Variants in ADCY2 observed in about 807,000 individuals in gnomAD.
The protein encoded by ADCY2 is adenylate cyclase 2, also known as adenylate cyclase type 2.
In ADCY2, 31 loss-of-function variants were observed where a neutral mutation model predicts 125.2. The ratio of observed to expected loss-of-function variants is 0.25; its 90% CI spans 0.19 to 0.33. The LOEUF (loss-of-function observed/expected upper bound fraction) is 0.33. Among genes scored for constraint, ADCY2 ranks in the 10% least tolerant of loss-of-function variants. The pLI is 1.00. For synonymous variants in ADCY2, 512 were observed against 548.4 expected, an observed-to-expected ratio of 0.93 and a Z score of 0.93; for missense variants, 904 against 1,418.2, an observed-to-expected ratio of 0.64 and a Z score of 5.82.
chr5:7,403,384 A>G (rs2111443375), intron 1 of ADCY2, among the ~76,000 whole-genome samples: 1 of 151,768 alleles, frequency 6.6e-6, no homozygotes, highest in East Asian at 1.9e-4. Context: ...CTAATGTCTG[A>G]CTCTTTCCCA....
At position 7,757,945 on chromosome 5, in the gene ADCY2, C is replaced by G. The variant is rs537610417; in HGVS notation, c.2094+359C>G. On this transcript the variant is annotated intron_variant, in intron 16 of 24. Coordinates refer to ENST00000338316, the MANE Select transcript of ADCY2 (RefSeq NM_020546.3). ...CTTGGATCAGTTCCCCACTTCCTTG[C>G]TCATGGTGGCCCCTCAACAGGCTAC... Among the ~76,000 whole-genome samples the G allele has an allele frequency of 2.6e-5, 4 of 152,280 alleles. No individual in the cohort carries two copies. In the South Asian group the frequency reaches 8.3e-4, roughly 32 times the overall value.
chr5:7,758,133 C>T (rs906472180), intron 16 of ADCY2, among the ~76,000 whole-genome samples: 20 of 152,194 alleles, frequency 1.3e-4, no homozygotes, highest in Admixed American at 2.0e-4. Context: ...TTGAACTCCA[C>T]AGGCTCCATT....
intron 3 of ADCY2, among the ~76,000 whole-genome samples, chr5:7,624,363 T>C (rs1738054228): frequency 6.6e-6 from 1 of 152,130 alleles, no homozygotes; most frequent in Non-Finnish European, 1.5e-5. Context: ...ATGATCTTGC[T>C]GATTATCCCC....
chr5:7,608,943 A>G (rs574024165), intron 3 of ADCY2, among the ~76,000 whole-genome samples: 42 of 152,314 alleles, frequency 2.8e-4, no homozygotes, highest in Middle Eastern at 3.4e-3. Flanking sequence ...CCCAAGAGAC[A>G]GGCCTTTCTC....
chr5:7,634,158 A>G (rs766017011), intron 4 of ADCY2, among the ~76,000 whole-genome samples: 1 of 152,150 alleles, frequency 6.6e-6, no homozygotes, highest in Non-Finnish European at 1.5e-5. Context: ...CATGGGGCTG[A>G]CTTCAAAATG....
chr5:7,532,604 T>C (rs1056039646), intron 3 of ADCY2, among the ~76,000 whole-genome samples: 1 of 152,224 alleles, frequency 6.6e-6, no homozygotes, highest in African/African-American at 2.4e-5. Context: ...TTAAGTGTTA[T>C]ACTGCGAAGG....
At chr5:7,571,066 AT>A (rs1045146067) in intron 3 of ADCY2, among the ~76,000 whole-genome samples, 1 of 151,462 alleles carries the variant, frequency 6.6e-6, no homozygotes, top group African/African-American at 2.4e-5. Context: ...TGCTATGGGA[AT>A]TTTTTTTGGT....
At chr5:7,811,743 C>T (rs1460252243) in intron 22 of ADCY2, among the ~76,000 whole-genome samples, 1 of 152,124 alleles carries the variant, frequency 6.6e-6, no homozygotes, top group Non-Finnish European at 1.5e-5. Context: ...CCCTCCTTCC[C>T]CCAAATCAGA....
At chr5:7,588,287 T>C (rs1463757207) in intron 3 of ADCY2, among the ~76,000 whole-genome samples, 1 of 152,040 alleles carries the variant, frequency 6.6e-6, no homozygotes, top group Admixed American at 6.6e-5. Flanking sequence ...CATAAAAAAA[T>C]CCACATAAAT....
chr5:7,578,880 G>T (rs1736336575), intron 3 of ADCY2, among the ~76,000 whole-genome samples: 1 of 152,084 alleles, frequency 6.6e-6, no homozygotes, highest in Non-Finnish European at 1.5e-5. Flanking sequence ...GGTCCATCCT[G>T]GTTGGCTAGT....
At chr5:7,496,857 T>G (rs1341836128) in intron 2 of ADCY2, among the ~76,000 whole-genome samples, 1 of 152,196 alleles carries the variant, frequency 6.6e-6, no homozygotes, top group Non-Finnish European at 1.5e-5. Flanking sequence ...GAATATTTTA[T>G]ATGAATATAT....
rs377660030 is a variant in ADCY2, at chr5:7,723,252, A to G, written c.1704-1293A>G. 4.6e-5 allele frequency among the ~76,000 whole-genome samples: 7 copies of G among 152,278 alleles called. No homozygotes were observed. In the East Asian group the frequency reaches 1.4e-3, roughly 29 times the overall value. On this transcript the variant is annotated intron_variant, in intron 12 of 24. Coordinates refer to ENST00000338316, the MANE Select transcript of ADCY2 (RefSeq NM_020546.3). ...CTGTACAACAAACCCCCATGACACA[A>G]ATTTTACCTATGTGACAATCCTGCA...
rs989376334 is a variant in ADCY2, at chr5:7,573,601, T to C, written c.571-52566T>C. 6.9e-5 allele frequency among the ~76,000 whole-genome samples: 10 copies of C among 144,716 alleles called. 1 individual carries two copies. In the South Asian group the frequency reaches 1.5e-3, roughly 22 times the overall value. The allele number at this position is 144,716 out of a possible 152,430, so 94.9% of individuals were successfully genotyped here. A position where few individuals can be genotyped will look rare whatever the true frequency, so the allele number is the denominator to read the frequency against. On this transcript the variant is annotated intron_variant, in intron 3 of 24. Transcript: ENST00000338316. Reference sequence around the variant, plus strand: ...GATACAGGGTTGATTTTCTTTTTTTTTTTTTTTTTTTTTTTTTGAGAAAAA... The same window carrying C: ...GATACAGGGTTGATTTTCTTTTTTTCTTTTTTTTTTTTTTTTTGAGAAAAA...
At chr5:7,569,136 G>A (rs1357783625) in intron 3 of ADCY2, among the ~76,000 whole-genome samples, 1 of 152,176 alleles carries the variant, frequency 6.6e-6, no homozygotes, top group Non-Finnish European at 1.5e-5. Context: ...GAGCAACCCA[G>A]TTCAGTGTAG....
chr5:7,572,850 G>T (rs140039422), intron 3 of ADCY2, among the ~76,000 whole-genome samples: 25 of 152,238 alleles, frequency 1.6e-4, no homozygotes, highest in African/African-American at 6.0e-4. Flanking sequence ...TTATGCATAT[G>T]AGTAGCCAGT....
intron 16 of ADCY2, among the ~76,000 whole-genome samples, chr5:7,763,735 C>A (rs1400300410): frequency 6.6e-6 from 1 of 152,204 alleles, no homozygotes; most frequent in Non-Finnish European, 1.5e-5. Context: ...TCCTTTTCTT[C>A]TGGAAGCCCC....
rs146193244 is a variant in ADCY2, at chr5:7,766,762, A to G, written c.2170A>G (p.Asn724Asp). 6.2e-7 allele frequency: 1 copy of G among 1,612,314 alleles called. No individual in the cohort carries two copies. Among genetic ancestry groups the G allele is most frequent in the Non-Finnish European group, 8.5e-7 (1 of 1,179,602 alleles). Residue 724 changes from asparagine (N) to aspartate (D), a missense_variant, in exon 17 of 25, where the codon AAT (asparagine) becomes GAT (aspartate). Asn to Asp is a conservative substitution (Grantham distance 23, BLOSUM62 1). Around this residue, in one of 7 missense-constraint regions of ADCY2, gnomAD observed 221 missense variants for 246.2 expected, o/e 0.90. Coordinates refer to ENST00000338316, the MANE Select transcript of ADCY2 (RefSeq NM_020546.3). ...AAACACAAGCTTTTCAGCCTCAAAT[A>G]ATCAGGTGGCGATTCTGCGTGCGCA... ...TTNTSFSASN[N>D]QVAILRAQNL...
intron 12 of ADCY2, among the ~76,000 whole-genome samples, chr5:7,718,145 A>ATT (rs59353850): frequency 0.12 from 13,281 of 115,298 alleles, 1,204 homozygotes; most frequent in African/African-American, 0.13. Flanking sequence ...CCTGTTTTAG[A>ATT]TTTTTTTTTT....
At chr5:7,436,396 C>G (rs374633320) in intron 2 of ADCY2, among the ~76,000 whole-genome samples, 1 of 152,294 alleles carries the variant, frequency 6.6e-6, no homozygotes, top group East Asian at 1.9e-4. Flanking sequence ...CTATCTCTAT[C>G]GTTGCCTTCT....
Sources: allele counts gnomAD v4.1 joint callset (sites outside exome capture counted in the v4.1 genomes callset), GRCh38; gene constraint gnomAD v4.1.1; regional missense constraint gnomAD v4.1.1; transcripts MANE v1.5; gene names NCBI Gene and HGNC (gene_info 2026-07-23, HGNC 2026-07-21).